Variants in DENND5A observed in about 807,000 individuals in gnomAD.
The protein encoded by DENND5A is DENN domain-containing protein 5A.
In DENND5A, 64 loss-of-function variants were observed where a neutral mutation model predicts 140.3. The ratio of observed to expected loss-of-function variants is 0.46; its 90% confidence interval spans 0.37 to 0.56. The LOEUF (loss-of-function observed/expected upper bound fraction) is 0.56, where lower values mean the gene tolerates loss of function less well. DENND5A is among the 20% of genes least tolerant of loss of function. The pLI, the probability that DENND5A is intolerant of heterozygous loss-of-function variation, is 0.00. For missense variants in DENND5A, 1,292 were observed against 1,593.8 expected, an observed-to-expected ratio of 0.81 and a Z score of 3.22; for synonymous variants, 605 against 607.7, an observed-to-expected ratio of 1.00 and a Z score of 0.07.
chr11:9,246,106 AG>A (rs1230953017), intron 1 of DENND5A, among the ~76,000 whole-genome samples: 1 of 152,200 alleles, frequency 6.6e-6, no homozygotes, highest in African/African-American at 2.4e-5. Context: ...AGTTCCTTCA[AG>A]GAAAATTCCA....
In DENND5A at chr11:9,265,038, G is replaced by C; in HGVS notation, c.32C>G (p.Ala11Gly). The change falls in exon 1 of 23, where the codon GCG becomes GGG. Residue 11 changes from alanine to glycine, a missense_variant. Ala to Gly is a moderately conservative substitution (Grantham distance 60). Around this residue, in one of 4 missense-constraint regions of DENND5A, gnomAD observed 566 missense variants for 650.4 expected, o/e 0.87. Transcript: ENST00000328194. The surrounding 1 kb of genome is among the most constrained non-coding windows in gnomAD (Gnocchi z 4.7). MSGGGGGGGS[A>G]PSRFADYFVI... ...AAAGTAGTCGGCGAAGCGACTGGGCGCCGAGCCCCCTCCGCCGCCGCCGCC... is the reference window on the plus strand; with the variant it reads ...AAAGTAGTCGGCGAAGCGACTGGGCCCCGAGCCCCCTCCGCCGCCGCCGCC... 6.4e-7 allele frequency: 1 copy of C among 1,561,684 alleles called. No homozygotes were observed. Among genetic ancestry groups the C allele is most frequent in the Non-Finnish European group, 8.6e-7 (1 of 1,157,568 alleles).
chr11:9,224,800 G>C (rs1049530134), intron 1 of DENND5A, among the ~76,000 whole-genome samples: 5 of 150,596 alleles, frequency 3.3e-5, no homozygotes, highest in African/African-American at 4.9e-5. Context: ...AGAGGTTGCA[G>C]TGAGCCAAGA....
chr11:9,210,186 T>TCA (rs1314014683), intron 1 of DENND5A, among the ~76,000 whole-genome samples: 2 of 152,052 alleles, frequency 1.3e-5, no homozygotes, highest in Non-Finnish European at 2.9e-5. Flanking sequence ...AACCTGTGTA[T>TCA]CACAGGTACC....
At chr11:9,168,442 T>C (rs1848261803) in intron 10 of DENND5A, among the ~76,000 whole-genome samples, 1 of 152,216 alleles carries the variant, frequency 6.6e-6, no homozygotes, top group African/African-American at 2.4e-5. Context: ...CCATTAAATC[T>C]TTCTTTTGTA....
intron 1 of DENND5A, among the ~76,000 whole-genome samples, chr11:9,258,133 A>C (rs1386174294): frequency 6.6e-6 from 1 of 151,948 alleles, no homozygotes; most frequent in African/African-American, 2.4e-5. Context: ...TTCCTTTTTA[A>C]ATTATACTTT....
At chr11:9,149,606 G>T (rs1847545024) in intron 15 of DENND5A, among the ~76,000 whole-genome samples, 1 of 152,280 alleles carries the variant, frequency 6.6e-6, no homozygotes, top group South Asian at 2.1e-4. Context: ...GTGTGGACAG[G>T]GACTAGGGTC....
At chr11:9,143,598 G>T in intron 19 of DENND5A, 113 bp from the exon 20 acceptor site, 1 of 864,108 alleles carries the variant, frequency 1.2e-6, no homozygotes, top group Non-Finnish European at 1.9e-6. Context: ...CAGGGCAGCT[G>T]GACCCTAGGA....
At position 9,234,872 on chromosome 11, in the gene DENND5A, G is replaced by A. The variant is rs181900996; in HGVS notation, c.110-27240C>T. Among the ~76,000 whole-genome samples, 179 of 152,182 alleles carry A rather than the reference G, an allele frequency of 1.2e-3. 1 individual carries two copies. The highest frequency in any genetic ancestry group is 3.7e-3 in the African/African-American group (154 of 41,542). ...ACTGGCTTGCTGTTAATAAAGGCGC[G>A]GGTAAATCTCTGTTCAAGGCTCTCA... On this transcript the variant is annotated intron_variant, in intron 1 of 22. Coordinates refer to ENST00000328194, the MANE Select transcript of DENND5A (RefSeq NM_015213.4).
chr11:9,259,515 G>A (rs1214047756), intron 1 of DENND5A, among the ~76,000 whole-genome samples: 4 of 152,126 alleles, frequency 2.6e-5, no homozygotes, highest in Non-Finnish European at 5.9e-5. Context: ...GCAGTGAGCC[G>A]AGATCGTGCC....
intron 5 of DENND5A, among the ~76,000 whole-genome samples, chr11:9,181,388 T>C (rs1432431438): frequency 2.0e-5 from 3 of 152,196 alleles, no homozygotes; most frequent in South Asian, 2.1e-4. Flanking sequence ...TATAATGTCA[T>C]AGATGTTTAG....
chr11:9,246,657 T>C (rs1235541607), intron 1 of DENND5A, among the ~76,000 whole-genome samples: 4 of 146,430 alleles, frequency 2.7e-5, no homozygotes, highest in Non-Finnish European at 3.0e-5. Context: ...AAGTTAACCA[T>C]CATAACTTTC....
intron 22 of DENND5A, among the ~76,000 whole-genome samples, chr11:9,140,977 C>T (rs1847218307): frequency 6.6e-6 from 1 of 152,064 alleles, no homozygotes; most frequent in Admixed American, 6.6e-5. Context: ...CAATACAAAA[C>T]TAGCCAGGCG....
rs755202824 is a variant in DENND5A at position 9,180,976 on chromosome 11, T to C, written c.1246A>G (p.Met416Val). 3.7e-6 allele frequency: 6 copies of C among 1,614,092 alleles called. No homozygotes were observed. Among genetic ancestry groups the C allele is most frequent in the Admixed American group, 3.3e-5 (2 of 60,016 alleles). Residue 416 changes from methionine to valine, a missense_variant, in exon 6 of 23, where the codon ATG becomes GTG. Around this residue, in one of 4 missense-constraint regions of DENND5A, gnomAD observed 566 missense variants for 650.4 expected, o/e 0.87. Coordinates refer to ENST00000328194, the MANE Select transcript of DENND5A (RefSeq NM_015213.4). ...CCTTCAGGGGGAATTCCAAATGCCA[T>C]GAGAATCTCAGAGACTTCCTGGACA... ...EFVQEVSEIL[M>V]AFGIPPEGNL...
chr11:9,196,392 T>G (rs1590261956), intron 4 of DENND5A, among the ~76,000 whole-genome samples: 1 of 152,154 alleles, frequency 6.6e-6, no homozygotes, highest in Admixed American at 6.5e-5. Context: ...TGCAAAACAA[T>G]GATTAGTATG....
chr11:9,202,206 AACTC>A (rs1280026380), intron 4 of DENND5A, among the ~76,000 whole-genome samples: 3 of 152,244 alleles, frequency 2.0e-5, no homozygotes, highest in African/African-American at 7.2e-5. Flanking sequence ...AAAGCTGAGA[AACTC>A]ACAACTAAAA....
chr11:9,140,177 A>C, intron 22 of DENND5A: 1 of 1,375,250 alleles, frequency 7.3e-7, no homozygotes, highest in Non-Finnish European at 9.6e-7. Flanking sequence ...AGGAATAATA[A>C]TAAGCACTAA....
chr11:9,176,872 C>T, intron 8 of DENND5A: 1 of 456,184 alleles, frequency 2.2e-6, no homozygotes, highest in South Asian at 1.5e-5. Flanking sequence ...TTCCCATGCA[C>T]TTGAGGTTGA....
chr11:9,222,461 T>C (rs573181162), intron 1 of DENND5A, among the ~76,000 whole-genome samples: 1 of 152,312 alleles, frequency 6.6e-6, no homozygotes, highest in East Asian at 1.9e-4. Flanking sequence ...TACTGTATAA[T>C]GGCCTGTAAT....
chr11:9,185,109 T>C (rs1381056465), intron 5 of DENND5A, among the ~76,000 whole-genome samples: 2 of 152,286 alleles, frequency 1.3e-5, no homozygotes, highest in Middle Eastern at 3.4e-3. Context: ...GAGAATCATA[T>C]GAACCCAGCA....
Sources: gnomAD v4.1 joint callset for allele counts (sites outside exome capture counted in the v4.1 genomes callset) on GRCh38, gnomAD v4.1.1 for gene constraint, gnomAD v4.1.1 regional missense constraint, Gnocchi (gnomAD v3.1) non-coding constraint, MANE v1.5 for transcripts, NCBI Gene and HGNC (gene_info 2026-07-23, HGNC 2026-07-21) for gene names.